The following MYO10 variants were observed in gnomAD, a reference collection of about 807,000 sequenced individuals.
The protein encoded by MYO10 is myosin X, also known as unconventional myosin-X.
MYO10 carries 133 observed loss-of-function variants against 257.3 expected under a neutral mutation model. The ratio of observed to expected loss-of-function variants is 0.52; its 90% confidence interval spans 0.45 to 0.60. The LOEUF (loss-of-function observed/expected upper bound fraction) is 0.60. MYO10 is among the 20% of genes least tolerant of loss of function. The pLI, the probability that MYO10 is intolerant of heterozygous loss-of-function variation, is 0.00. For synonymous variants in MYO10, 1,104 were observed against 1,028.6 expected (o/e 1.07, Z -1.40); for missense variants, 2,399 against 2,635.7 (o/e 0.91, Z 1.97).
chr5:16,861,292 G>A (rs184037313), intron 2 of MYO10, among the ~76,000 whole-genome samples: 14 of 151,314 alleles, frequency 9.3e-5, no homozygotes, highest in South Asian at 2.1e-4. Context: ...GCAGCCAGGC[G>A]CAGTGGCTCA....
intron 1 of MYO10, among the ~76,000 whole-genome samples, chr5:16,901,714 C>A (rs1745383356): frequency 6.6e-6 from 1 of 152,178 alleles, no homozygotes. Flanking sequence ...TTTTAGACTT[C>A]CCTACAATGA....
intron 3 of MYO10, among the ~76,000 whole-genome samples, chr5:16,805,485 A>G (rs1742249344): frequency 6.6e-6 from 1 of 151,440 alleles, no homozygotes; most frequent in East Asian, 1.9e-4. Flanking sequence ...AAAAAAGAAA[A>G]GAAAAAAAAG....
chr5:16,766,898 T>C (rs1228097884), intron 10 of MYO10, among the ~76,000 whole-genome samples: 2 of 150,872 alleles, frequency 1.3e-5, no homozygotes, highest in Admixed American at 1.3e-4. Context: ...GCCTCCTGAG[T>C]ATTTTTAGTA....
At chr5:16,910,894 C>T (rs1745640342) in intron 1 of MYO10, among the ~76,000 whole-genome samples, 1 of 152,104 alleles carries the variant, frequency 6.6e-6, no homozygotes, top group African/African-American at 2.4e-5. Context: ...AAACAAATGC[C>T]AGGTTTTATG....
At chr5:16,728,780 G>A (rs956467286) in intron 19 of MYO10, among the ~76,000 whole-genome samples, 1 of 152,202 alleles carries the variant, frequency 6.6e-6, no homozygotes, top group East Asian at 1.9e-4. Flanking sequence ...GTCCTCGTGG[G>A]AAAACCAGAA....
intron 2 of MYO10, among the ~76,000 whole-genome samples, chr5:16,845,856 C>T (rs1380617095): frequency 1.3e-5 from 2 of 151,684 alleles, no homozygotes; most frequent in East Asian, 1.9e-4. Context: ...CCCAGCTACT[C>T]GGGAGGCTGA....
intron 1 of MYO10, among the ~76,000 whole-genome samples, chr5:16,912,481 T>G (rs1708073014): frequency 6.6e-6 from 1 of 152,110 alleles, no homozygotes; most frequent in African/African-American, 2.4e-5. Context: ...TTACATAGTC[T>G]GGGTCTCAAT....
intron 4 of MYO10, among the ~76,000 whole-genome samples, chr5:16,786,434 G>A (rs1297123167): frequency 6.6e-6 from 1 of 152,108 alleles, no homozygotes; most frequent in African/African-American, 2.4e-5. Context: ...CTGAAATGCT[G>A]GGGACGAGAA....
chr5:16,915,163 C>A (rs904865944), intron 1 of MYO10, among the ~76,000 whole-genome samples: 7 of 152,154 alleles, frequency 4.6e-5, no homozygotes, highest in African/African-American at 1.7e-4. Flanking sequence ...AATCCAACAA[C>A]CAGGCCCTTT....
intron 21 of MYO10, among the ~76,000 whole-genome samples, chr5:16,706,130 C>T (rs1160197812): frequency 6.6e-6 from 1 of 152,078 alleles, no homozygotes; most frequent in Non-Finnish European, 1.5e-5. Flanking sequence ...TTGCAGTGAG[C>T]CAAGATCATG....
rs770911502 is a variant in MYO10, at chr5:16,682,029, A to C, written c.4047-16T>G. ...CGAGTTGGGTCTGAGCCACAAGATG[A>C]GAAGGAAACAAAGCCCCTTAGCCCT... On this transcript the variant is annotated splice_polypyrimidine_tract_variant and intron_variant, in intron 30 of 40. Coordinates refer to ENST00000513610, the MANE Select transcript of MYO10 (RefSeq NM_012334.3). 1 of 1,611,086 alleles carries C rather than the reference A, an allele frequency of 6.2e-7. No individual in the cohort carries two copies. The highest frequency in any genetic ancestry group is 1.7e-5 in the Admixed American group (1 of 59,938).
rs868739105 is a variant in MYO10, at chr5:16,802,777, C to T, written c.280-7944G>A. Among the ~76,000 whole-genome samples the T allele has an allele frequency of 4.6e-5, 7 of 151,812 alleles. No homozygotes were observed. In the South Asian group the frequency reaches 1.5e-3, roughly 32 times the overall value. On this transcript the variant is annotated intron_variant, in intron 3 of 40. Coordinates refer to ENST00000513610, the MANE Select transcript of MYO10 (RefSeq NM_012334.3). ...AAGAGAGATTAAAAACAAGCACAGA[C>T]TTGAGAGGAAATAACAAGAAACATT... is the stretch of plus-strand genomic sequence containing the variant.
At chr5:16,841,769 T>G (rs1743487944) in intron 2 of MYO10, among the ~76,000 whole-genome samples, 1 of 152,172 alleles carries the variant, frequency 6.6e-6, no homozygotes, top group African/African-American at 2.4e-5. Flanking sequence ...CGCAAACTGT[T>G]TTTCATTAAT....
At chr5:16,842,881 G>A (rs766466376) in intron 2 of MYO10, among the ~76,000 whole-genome samples, 1 of 148,420 alleles carries the variant, frequency 6.7e-6, no homozygotes, top group Non-Finnish European at 1.5e-5. Context: ...ATGACGCAGT[G>A]AGACCCCGTC....
intron 27 of MYO10, among the ~76,000 whole-genome samples, chr5:16,691,358 T>C (rs1292219352): frequency 6.6e-6 from 1 of 151,592 alleles, no homozygotes; most frequent in Non-Finnish European, 1.5e-5. Flanking sequence ...AAATAAGTAT[T>C]ATCTGACCTC....
intron 2 of MYO10, among the ~76,000 whole-genome samples, chr5:16,843,188 C>T (rs554201183): frequency 3.9e-5 from 6 of 152,280 alleles, no homozygotes; most frequent in South Asian, 2.1e-4. Flanking sequence ...GACTTCCACA[C>T]GTCATAGAAG....
chr5:16,698,066 A>G (rs1303344893), intron 26 of MYO10, among the ~76,000 whole-genome samples: 2 of 152,246 alleles, frequency 1.3e-5, no homozygotes, highest in African/African-American at 4.8e-5. Context: ...TGAGGTCCCA[A>G]TTAAATAATT....
At chr5:16,717,128 C>T (rs1283928823) in intron 19 of MYO10, among the ~76,000 whole-genome samples, 2 of 152,188 alleles carry the variant, frequency 1.3e-5, no homozygotes, top group African/African-American at 4.8e-5. Flanking sequence ...TGGGCCACCA[C>T]GCGCGGCCTT....
chr5:16,895,407 G>C (rs1197992644), intron 1 of MYO10, among the ~76,000 whole-genome samples: 1 of 152,152 alleles, frequency 6.6e-6, no homozygotes, highest in Non-Finnish European at 1.5e-5. Flanking sequence ...CTCACCGGAG[G>C]CTCTGAGGCC....
Sources: allele counts gnomAD v4.1 joint callset (sites outside exome capture counted in the v4.1 genomes callset), GRCh38; gene constraint gnomAD v4.1.1; transcripts MANE v1.5; gene names NCBI Gene and HGNC (gene_info 2026-07-23, HGNC 2026-07-21).